Variants in HDAC4 observed in about 807,000 individuals in gnomAD.
The protein encoded by HDAC4 is histone deacetylase A.
A neutral mutation model predicts 135.1 loss-of-function variants in HDAC4; 16 were observed. The observed-to-expected ratio is 0.12, with a 90% CI of 0.08 to 0.18. The LOEUF is 0.18. Among genes scored for constraint, HDAC4 ranks in the 10% least tolerant of loss-of-function variants. The pLI is 1.00. For synonymous variants in HDAC4, 685 were observed against 653.4 expected (o/e 1.05, Z -0.74); for missense variants, 1,143 against 1,511.8 (o/e 0.76, Z 4.05).
intron 2 of HDAC4, among the ~76,000 whole-genome samples, chr2:239,315,182 G>A (rs897983871): frequency 5.9e-5 from 9 of 152,100 alleles, no homozygotes; most frequent in African/African-American, 1.2e-4. Flanking sequence ...GTTGTCCCGC[G>A]TTTCTGGACT....
At chr2:239,131,161 C>G (rs866212167) in intron 11 of HDAC4, among the ~76,000 whole-genome samples, 3 of 152,160 alleles carry the variant, frequency 2.0e-5, no homozygotes, top group African/African-American at 7.2e-5. Flanking sequence ...AGGAACTGCC[C>G]GGAGCGGTGC....
intron 2 of HDAC4, among the ~76,000 whole-genome samples, chr2:239,273,162 G>A (rs1014012203): frequency 1.3e-5 from 2 of 152,198 alleles, no homozygotes; most frequent in Admixed American, 1.3e-4. Flanking sequence ...GTGACAAGGT[G>A]TCTTGTCACA....
intron 3 of HDAC4, among the ~76,000 whole-genome samples, chr2:239,235,443 G>C (rs1436044093): frequency 6.6e-6 from 1 of 152,248 alleles, no homozygotes; most frequent in East Asian, 1.9e-4. Flanking sequence ...CGGCAGCAAA[G>C]GCTGACTGTC....
At chr2:239,200,948 G>A (rs1441072020) in intron 3 of HDAC4, among the ~76,000 whole-genome samples, 1 of 152,156 alleles carries the variant, frequency 6.6e-6, no homozygotes, top group Non-Finnish European at 1.5e-5. Context: ...GAGACTGCTC[G>A]CTCGAGCAGG....
intron 3 of HDAC4, 135 bp downstream of exon 3, chr2:239,236,458 C>A (rs2047891563): frequency 1.4e-6 from 1 of 700,286 alleles, no homozygotes; most frequent in South Asian, 1.7e-5. Flanking sequence ...AGGAAGAGCA[C>A]CCAAATTCAG....
At chr2:239,201,534 C>T (rs1017806910) in intron 3 of HDAC4, among the ~76,000 whole-genome samples, 1 of 152,192 alleles carries the variant, frequency 6.6e-6, no homozygotes, top group African/African-American at 2.4e-5. Flanking sequence ...CTACAGCCCA[C>T]AGCTCTCCGT....
chr2:239,270,485 C>T (rs527803393), intron 2 of HDAC4, among the ~76,000 whole-genome samples: 20 of 151,758 alleles, frequency 1.3e-4, no homozygotes, highest in Non-Finnish European at 2.4e-4. Flanking sequence ...TAGAATGAGG[C>T]GATAGAGAAA....
chr2:239,163,960 G>C, intron 5 of HDAC4, 37 bp from the exon 6 acceptor site: 1 of 1,613,460 alleles, frequency 6.2e-7, no homozygotes, highest in East Asian at 2.2e-5. Flanking sequence ...GGTGAAGTGT[G>C]GCTCTGCCCT....
chr2:239,342,160 C>A (rs1262628381), intron 2 of HDAC4, among the ~76,000 whole-genome samples: 3 of 152,008 alleles, frequency 2.0e-5, no homozygotes, highest in African/African-American at 7.3e-5. Flanking sequence ...AAAGGCATCA[C>A]CTAAACAACC....
At chr2:239,084,624 CACAG>C (rs547056151) in intron 19 of HDAC4, among the ~76,000 whole-genome samples, 224 of 149,832 alleles carry the variant, frequency 1.5e-3, no homozygotes, top group Middle Eastern at 3.6e-3. Flanking sequence ...ACACACACAC[CACAG>C]ACAGAGACAC....
chr2:239,326,820 C>T (rs112045860), intron 2 of HDAC4, among the ~76,000 whole-genome samples: 5 of 152,330 alleles, frequency 3.3e-5, no homozygotes, highest in Non-Finnish European at 5.9e-5. Flanking sequence ...TTCTCTGGTC[C>T]GAGACCCCCA....
intron 2 of HDAC4, among the ~76,000 whole-genome samples, chr2:239,256,101 T>C (rs1383036269): frequency 1.3e-5 from 2 of 152,244 alleles, no homozygotes; most frequent in African/African-American, 4.8e-5. Context: ...TGCCATCACT[T>C]TGTAGTCTGT....
At chr2:239,175,894 C>G (rs1427090543) in intron 5 of HDAC4, among the ~76,000 whole-genome samples, 3 of 152,174 alleles carry the variant, frequency 2.0e-5, no homozygotes, top group African/African-American at 4.8e-5. Flanking sequence ...AATATTGAAT[C>G]CTGCAGCCCT....
intron 2 of HDAC4, among the ~76,000 whole-genome samples, chr2:239,253,328 A>T (rs2048887724): frequency 6.6e-6 from 1 of 152,236 alleles, no homozygotes; most frequent in Admixed American, 6.5e-5. Flanking sequence ...GCATGAAGGC[A>T]ATCTTGAATT....
chr2:239,257,269 G>A (rs920252042), intron 2 of HDAC4, among the ~76,000 whole-genome samples: 4 of 151,692 alleles, frequency 2.6e-5, no homozygotes, highest in African/African-American at 9.7e-5. Context: ...GGTGAAATAG[G>A]CCATGTGGTC....
At chr2:239,327,927 C>T (rs758418520) in intron 2 of HDAC4, among the ~76,000 whole-genome samples, 2 of 152,244 alleles carry the variant, frequency 1.3e-5, no homozygotes, top group Non-Finnish European at 2.9e-5. Flanking sequence ...CGCATACACA[C>T]CATCCAGGGG....
In HDAC4 at chr2:239,352,644, C is replaced by T. The variant is rs1319076391; in HGVS notation, c.22+34G>A. Reference sequence around the variant, plus strand: ...TCTACTTTGGGCAAAGAAAGCCCCGCTGTGTGCCCAGAGAAGAAATGACCC... The same window carrying T: ...TCTACTTTGGGCAAAGAAAGCCCCGTTGTGTGCCCAGAGAAGAAATGACCC... On this transcript the variant is annotated intron_variant, in intron 2 of 26. Transcript: ENST00000543185. The surrounding 1 kb of genome is among the most constrained non-coding windows in gnomAD (Gnocchi z 4.4). The T allele has an allele frequency of 2.6e-6, 4 of 1,550,596 alleles. No individual in the cohort carries two copies. The highest frequency in any genetic ancestry group is 3.5e-6 in the Non-Finnish European group (4 of 1,145,498).
chr2:239,098,987 G>A (rs2037370966), intron 16 of HDAC4, among the ~76,000 whole-genome samples: 1 of 152,234 alleles, frequency 6.6e-6, no homozygotes, highest in Admixed American at 6.5e-5. Flanking sequence ...AAAAGAAACT[G>A]ACTAGAATGG....
chr2:239,190,414 C>T (rs541516879), intron 3 of HDAC4, among the ~76,000 whole-genome samples: 14 of 152,320 alleles, frequency 9.2e-5, no homozygotes, highest in Middle Eastern at 3.4e-3. Flanking sequence ...GCCTTGCTGA[C>T]GTCATTTCTA....
Sources: allele counts gnomAD v4.1 joint callset (sites outside exome capture counted in the v4.1 genomes callset), GRCh38; gene constraint gnomAD v4.1.1; non-coding constraint Gnocchi (gnomAD v3.1); transcripts MANE v1.5; gene names NCBI Gene and HGNC (gene_info 2026-07-23, HGNC 2026-07-21).